IGSF21: variants seen among roughly 807,000 people sequenced by gnomAD.
IGSF21 encodes the protein immunoglobin superfamily member 21.
A neutral mutation model predicts 46.8 loss-of-function variants in IGSF21; 28 were observed. That is an observed-to-expected ratio of 0.60 (90% CI 0.44 to 0.82). IGSF21 has a LOEUF of 0.82. Ranked by LOEUF, IGSF21 falls within the 40% of genes least tolerant of loss-of-function variation. The pLI is 0.00. For missense variants in IGSF21, 624 were observed against 665.5 expected (o/e 0.94, Z 0.69); for synonymous variants, 284 against 273.6 (o/e 1.04, Z -0.38).
chr1:18,373,865 T>TCCTAAAATG (rs1221720783), intron 6 of IGSF21, among the ~76,000 whole-genome samples: 1 of 152,212 alleles, frequency 6.6e-6, no homozygotes, highest in Non-Finnish European at 1.5e-5. Context: ...GGTGTGACTG[T>TCCTAAAATG]CCTAAAATGC....
intron 2 of IGSF21, among the ~76,000 whole-genome samples, chr1:18,273,610 T>C (rs2085072909): frequency 6.6e-6 from 1 of 151,548 alleles, no homozygotes; most frequent in African/African-American, 2.4e-5. Context: ...AGATCTATAA[T>C]GAAAAGCAAA....
intron 1 of IGSF21, among the ~76,000 whole-genome samples, chr1:18,158,094 C>T (rs753256487): frequency 3.9e-5 from 6 of 152,178 alleles, no homozygotes; most frequent in Non-Finnish European, 7.3e-5. Context: ...AGGGCAAGCT[C>T]AGTGGCGCCC....
In IGSF21 at chr1:18,201,162, C is replaced by G. The variant is rs12722792; in HGVS notation, c.71-26736C>G. 8.7e-3 allele frequency among the ~76,000 whole-genome samples: 1,325 copies of G among 152,224 alleles called. 11 individuals carry two copies. Among genetic ancestry groups the G allele is most frequent in the Non-Finnish European group, 0.014 (930 of 68,014 alleles). ...TTGAGCTGGGGACTGGAGGAAGGAGCGCCCCTGAGCTGTCTCAGCATGGGT... is the reference window on the plus strand; with the variant it reads ...TTGAGCTGGGGACTGGAGGAAGGAGGGCCCCTGAGCTGTCTCAGCATGGGT... On this transcript the variant is annotated intron_variant, in intron 1 of 9. Transcript: ENST00000251296.
intron 1 of IGSF21, among the ~76,000 whole-genome samples, chr1:18,133,638 C>G (rs1421847356): frequency 6.6e-6 from 1 of 152,262 alleles, no homozygotes; most frequent in African/African-American, 2.4e-5. Flanking sequence ...AGATCTTCCC[C>G]TACCAACAGT....
chr1:18,115,842 G>GAAGGAAGAAAGAAAGA (rs1326188397), intron 1 of IGSF21: 89 of 87,812 alleles, frequency 1.0e-3, no homozygotes, highest in Admixed American at 1.7e-3. Flanking sequence ...AGGAAGGAAG[G>GAAGGAAGAAAGAAAGA]AAGAAAGAAA....
chr1:18,245,497 G>A (rs986908415), intron 2 of IGSF21, among the ~76,000 whole-genome samples: 2 of 152,156 alleles, frequency 1.3e-5, no homozygotes, highest in Non-Finnish European at 2.9e-5. Context: ...TCTCTGGGAT[G>A]TAAGAATGCA....
chr1:18,358,678 G>C (rs12061925), intron 4 of IGSF21, among the ~76,000 whole-genome samples: 1,832 of 152,328 alleles, frequency 0.012, 34 homozygotes, highest in African/African-American at 0.041. Context: ...TATGTATTGG[G>C]TGCACTTTCA....
At chr1:18,312,201 C>T (rs1372681320) in intron 3 of IGSF21, among the ~76,000 whole-genome samples, 2 of 152,194 alleles carry the variant, frequency 1.3e-5, no homozygotes, top group Non-Finnish European at 2.9e-5. Flanking sequence ...TGGTAGGTTG[C>T]CTGAGGCAGT....
chr1:18,203,390 C>T (rs10796443), intron 1 of IGSF21, among the ~76,000 whole-genome samples: 93,027 of 152,034 alleles, frequency 0.61, 28,895 homozygotes, highest in African/African-American at 0.68. Context: ...CTCACTGTAG[C>T]CACCGCCATC....
rs187813896 is a variant in IGSF21, at chr1:18,168,644, G to A, written c.71-59254G>A. Among the ~76,000 whole-genome samples the A allele has an allele frequency of 2.6e-5, 4 of 152,292 alleles. No individual in the cohort carries two copies. The East Asian group carries it at 7.7e-4, about 29-fold the overall frequency. On this transcript the variant is annotated intron_variant, in intron 1 of 9. Coordinates refer to ENST00000251296, the MANE Select transcript of IGSF21 (RefSeq NM_032880.5). ...TCCTTAATTACGCCTTATGTTGCAA[G>A]GGGCAGGGGATGGAAGAAGAAAGGA...
chr1:18,240,389 C>T (rs922919960), intron 2 of IGSF21, among the ~76,000 whole-genome samples: 1 of 152,236 alleles, frequency 6.6e-6, no homozygotes, highest in Non-Finnish European at 1.5e-5. Flanking sequence ...GAAAGACTGT[C>T]AAATAAATGC....
chr1:18,346,672 G>T (rs928557106), intron 4 of IGSF21, among the ~76,000 whole-genome samples: 2 of 152,186 alleles, frequency 1.3e-5, no homozygotes, highest in Admixed American at 6.5e-5. Flanking sequence ...GCCAGCGATC[G>T]CAGAAAATGG....
At chr1:18,231,815 A>G (rs1250096320) in intron 2 of IGSF21, among the ~76,000 whole-genome samples, 1 of 152,094 alleles carries the variant, frequency 6.6e-6, no homozygotes, top group East Asian at 1.9e-4. Context: ...TGCTCACCTG[A>G]CAAGAGAATA....
At chr1:18,349,946 G>A (rs2085934327) in intron 4 of IGSF21, among the ~76,000 whole-genome samples, 2 of 152,098 alleles carry the variant, frequency 1.3e-5, no homozygotes, top group African/African-American at 4.8e-5. Flanking sequence ...ACGAAAATGA[G>A]GTGCAGCAGG....
In IGSF21 at chr1:18,294,978, G is replaced by C. The variant is rs553249705; in HGVS notation, c.305+2991G>C. ...GAGAGAGAGTCCCAGCTCCACAGCTGTCTGAGCCGTTTCCTCTTCAGCTGG... is the reference window on the plus strand; with the variant it reads ...GAGAGAGAGTCCCAGCTCCACAGCTCTCTGAGCCGTTTCCTCTTCAGCTGG... On this transcript the variant is annotated intron_variant, in intron 3 of 9. Coordinates refer to ENST00000251296, the MANE Select transcript of IGSF21 (RefSeq NM_032880.5). Among the ~76,000 whole-genome samples, 375 of 152,368 alleles carry C rather than the reference G, an allele frequency of 2.5e-3. 2 individuals carry two copies. Among genetic ancestry groups the C allele is most frequent in the African/African-American group, 8.5e-3 (355 of 41,592 alleles).
At chr1:18,215,194 A>C (rs1214906642) in intron 1 of IGSF21, among the ~76,000 whole-genome samples, 1 of 152,214 alleles carries the variant, frequency 6.6e-6, no homozygotes, top group East Asian at 1.9e-4. Context: ...GGGTGGGGAC[A>C]CAGAGCGAAA....
At chr1:18,305,622 A>G (rs543552810) in intron 3 of IGSF21, among the ~76,000 whole-genome samples, 264 of 152,146 alleles carry the variant, frequency 1.7e-3, no homozygotes, top group Non-Finnish European at 3.3e-3. Context: ...GGATGGATGG[A>G]TGAGCTTCCA....
intron 1 of IGSF21, among the ~76,000 whole-genome samples, chr1:18,177,121 T>TA (rs2086806937): frequency 6.6e-6 from 1 of 152,204 alleles, no homozygotes. Context: ...TCTGGGAAGA[T>TA]ATATTGCTTG....
At position 18,108,169 on chromosome 1, in the gene IGSF21, T is replaced by G; in HGVS notation, c.41T>G (p.Leu14Arg). Reference sequence around the variant, plus strand: ...AGCCTCCGCCGCTGCGTCTGCCTGCTGCTCGCCGCGATCCTGGACCTGGCG... The same window carrying G: ...AGCCTCCGCCGCTGCGTCTGCCTGCGGCTCGCCGCGATCCTGGACCTGGCG... Reference protein sequence around the residue: ...APSLRRCVCLLLAAILDLARG... With the variant: ...APSLRRCVCLRLAAILDLARG... Residue 14 changes from leucine (L) to arginine (R), a missense_variant, in exon 1 of 10, where the codon CTG becomes CGG. Transcript: ENST00000251296. 6.9e-7 allele frequency: 1 copy of G among 1,448,666 alleles called. No individual in the cohort carries two copies. The highest frequency in any genetic ancestry group is 9.1e-7 in the Non-Finnish European group (1 of 1,104,058). The allele number at this position is 1,448,666 out of a possible 1,614,324, so 89.7% of individuals were successfully genotyped here. A position where few individuals can be genotyped will look rare whatever the true frequency, so the allele number is the denominator to read the frequency against.
Sources: allele counts gnomAD v4.1 joint callset (sites outside exome capture counted in the v4.1 genomes callset), GRCh38; gene constraint gnomAD v4.1.1; transcripts MANE v1.5; gene names NCBI Gene and HGNC (gene_info 2026-07-23, HGNC 2026-07-21).